Variants in MAGI1 observed in about 807,000 individuals in gnomAD.
MAGI1 encodes the protein membrane associated guanylate kinase, WW and PDZ domain containing 1.
In MAGI1, 58 loss-of-function variants were observed where a neutral mutation model predicts 139.9. The ratio of observed to expected loss-of-function variants is 0.41; its 90% CI spans 0.34 to 0.52. MAGI1 has a LOEUF of 0.52. MAGI1 is among the 20% of genes least tolerant of loss of function. The pLI is 0.12. For synonymous variants in MAGI1, 812 were observed against 737.9 expected (o/e 1.10, Z -1.63); for missense variants, 1,874 against 1,901.6 (o/e 0.99, Z 0.27).
intron 2 of MAGI1, among the ~76,000 whole-genome samples, chr3:65,524,578 G>C (rs557190005): frequency 7.2e-5 from 11 of 152,138 alleles, no homozygotes; most frequent in Non-Finnish European, 4.4e-5. Flanking sequence ...AAATAGAAAC[G>C]AGGATGTAGA....
At chr3:65,645,333 G>C (rs1371115393) in intron 1 of MAGI1, among the ~76,000 whole-genome samples, 1 of 152,004 alleles carries the variant, frequency 6.6e-6, no homozygotes, top group Non-Finnish European at 1.5e-5. Flanking sequence ...AGAAAAAATA[G>C]AGTGACAGTA....
intron 1 of MAGI1, among the ~76,000 whole-genome samples, chr3:65,790,208 C>T (rs546684979): frequency 1.3e-5 from 2 of 152,064 alleles, no homozygotes; most frequent in Non-Finnish European, 2.9e-5. Flanking sequence ...AGATGCAATA[C>T]TTAAAATTAA....
In MAGI1 at chr3:65,556,545, T is replaced by C. The variant is rs140522386; in HGVS notation, c.431-62914A>G. 5.3e-3 allele frequency among the ~76,000 whole-genome samples: 811 copies of C among 152,318 alleles called. 8 individuals carry two copies. The highest frequency in any genetic ancestry group is 0.019 in the African/African-American group (781 of 41,572). ...ATTATAAAAGCTAAAGCCTGAGAAT[T>C]CATCCTGGACAACCCTCTTCACTTT... On this transcript the variant is annotated intron_variant, in intron 2 of 22. Transcript: ENST00000402939.
chr3:65,919,442 G>C (rs1171994637), intron 1 of MAGI1, among the ~76,000 whole-genome samples: 1 of 151,612 alleles, frequency 6.6e-6, no homozygotes, highest in Non-Finnish European at 1.5e-5. Context: ...ACGCTCCTGT[G>C]GTCCCAGCTA....
chr3:65,430,658 G>A, intron 11 of MAGI1, 41 bp downstream of exon 11: 1 of 1,586,418 alleles, frequency 6.3e-7, no homozygotes, highest in African/African-American at 1.4e-5. Flanking sequence ...CTGGATTGGA[G>A]TCTCACCACA....
chr3:65,671,671 C>T (rs575930701), intron 1 of MAGI1, among the ~76,000 whole-genome samples: 1 of 152,282 alleles, frequency 6.6e-6, no homozygotes, highest in Non-Finnish European at 1.5e-5. Flanking sequence ...GTTATGTCAT[C>T]TTGAGAAAGT....
chr3:65,677,696 A>C (rs1300359968), intron 1 of MAGI1, among the ~76,000 whole-genome samples: 2 of 152,180 alleles, frequency 1.3e-5, no homozygotes, highest in African/African-American at 4.8e-5. Context: ...GAACCTCTGC[A>C]CTTTCTCCCA....
chr3:65,866,324 C>T (rs1206657133), intron 1 of MAGI1, among the ~76,000 whole-genome samples: 2 of 150,306 alleles, frequency 1.3e-5, no homozygotes, highest in African/African-American at 2.5e-5. Flanking sequence ...AGCGGTCCTC[C>T]CACCTCAACC....
chr3:65,545,141 C>T (rs575558392), intron 2 of MAGI1, among the ~76,000 whole-genome samples: 13 of 152,220 alleles, frequency 8.5e-5, no homozygotes, highest in Non-Finnish European at 1.5e-4. Context: ...TCTTAAAATA[C>T]GCATCCCCTC....
chr3:65,701,516 A>G (rs749559802), intron 1 of MAGI1, among the ~76,000 whole-genome samples: 2 of 151,976 alleles, frequency 1.3e-5, no homozygotes, highest in Non-Finnish European at 2.9e-5. Flanking sequence ...ACCTCCCAAA[A>G]TGCTAGGATT....
At chr3:65,716,546 T>C (rs1391534936) in intron 1 of MAGI1, among the ~76,000 whole-genome samples, 2 of 152,214 alleles carry the variant, frequency 1.3e-5, no homozygotes, top group African/African-American at 4.8e-5. Flanking sequence ...CAGCAATTCC[T>C]TTCTTGCTAC....
chr3:65,537,667 A>C (rs1576238336), intron 2 of MAGI1, among the ~76,000 whole-genome samples: 1 of 151,936 alleles, frequency 6.6e-6, no homozygotes, highest in Non-Finnish European at 1.5e-5. Context: ...ATTAAAAATG[A>C]CCTCCCAACT....
intron 1 of MAGI1, among the ~76,000 whole-genome samples, chr3:65,936,949 T>C (rs2063088828): frequency 6.6e-6 from 1 of 150,678 alleles, no homozygotes; most frequent in South Asian, 2.1e-4. Context: ...GTGGTGGTGA[T>C]GGTGATGGTG....
At chr3:65,565,093 T>TAC (rs2080549381) in intron 2 of MAGI1, among the ~76,000 whole-genome samples, 1 of 152,192 alleles carries the variant, frequency 6.6e-6, no homozygotes, top group African/African-American at 2.4e-5. Flanking sequence ...CACATCAGCA[T>TAC]ACACACGGGT....
intron 1 of MAGI1, among the ~76,000 whole-genome samples, chr3:65,893,272 C>G (rs1250526983): frequency 6.6e-6 from 1 of 150,548 alleles, no homozygotes; most frequent in Admixed American, 6.6e-5. Context: ...CATATACAAC[C>G]TCAGAAAAAA....
intron 1 of MAGI1, among the ~76,000 whole-genome samples, chr3:66,011,282 A>T (rs755204643): frequency 7.9e-5 from 12 of 152,220 alleles, no homozygotes; most frequent in Non-Finnish European, 1.2e-4. Context: ...TTTTCTCGAC[A>T]ACAAACGTTG....
At chr3:65,996,426 A>C (rs2066451599) in intron 1 of MAGI1, among the ~76,000 whole-genome samples, 1 of 152,136 alleles carries the variant, frequency 6.6e-6, no homozygotes, top group South Asian at 2.1e-4. Flanking sequence ...CTAAATTTAA[A>C]ATACACACCA....
intron 1 of MAGI1, among the ~76,000 whole-genome samples, chr3:65,971,668 A>T (rs2065019141): frequency 6.6e-6 from 1 of 152,026 alleles, no homozygotes; most frequent in Non-Finnish European, 1.5e-5. Flanking sequence ...ATCTACAAAG[A>T]CTCGTGAAGC....
intron 5 of MAGI1, among the ~76,000 whole-genome samples, chr3:65,463,640 C>G (rs1189282042): frequency 6.7e-6 from 1 of 150,080 alleles, no homozygotes; most frequent in Non-Finnish European, 1.5e-5. Flanking sequence ...GCTGGCCTCA[C>G]AAAAAGAGTT....
Sources: allele counts gnomAD v4.1 joint callset (sites outside exome capture counted in the v4.1 genomes callset), GRCh38; gene constraint gnomAD v4.1.1; transcripts MANE v1.5; gene names NCBI Gene and HGNC (gene_info 2026-07-23, HGNC 2026-07-21).